The following SLC22A25 variants were observed in gnomAD, a reference collection of about 807,000 sequenced individuals.
SLC22A25 encodes solute carrier family 22 member 25.
SLC22A25 carries 44 observed loss-of-function variants against 45.9 expected under a neutral mutation model. That is an observed-to-expected ratio of 0.96 (90% CI 0.75 to 1.23). The LOEUF (loss-of-function observed/expected upper bound fraction) is 1.23, where lower values mean the gene tolerates loss of function less well. Ranked by LOEUF, SLC22A25 falls within the 50% of genes most tolerant of loss-of-function variation. The pLI, the probability that SLC22A25 is intolerant of heterozygous loss-of-function variation, is 0.00. For missense variants in SLC22A25, 800 were observed against 666.4 expected (o/e 1.20, Z -2.21); for synonymous variants, 283 against 238.6 (o/e 1.19, Z -1.72).
intron 1 of SLC22A25, among the ~76,000 whole-genome samples, chr11:63,242,663 C>T (rs1447652916): frequency 6.6e-6 from 1 of 152,138 alleles, no homozygotes; most frequent in Admixed American, 6.5e-5. Context: ...TTGGCAACAC[C>T]CTCACAGACA....
intron 9 of SLC22A25, among the ~76,000 whole-genome samples, chr11:63,179,064 C>A (rs1044751741): frequency 5.3e-5 from 8 of 151,942 alleles, no homozygotes; most frequent in Non-Finnish European, 8.8e-5. Flanking sequence ...TGGGTTGAAG[C>A]AATTCTGGTG....
intron 3 of SLC22A25, among the ~76,000 whole-genome samples, chr11:63,233,216 C>A (rs2090102153): frequency 6.6e-6 from 1 of 152,156 alleles, no homozygotes; most frequent in Non-Finnish European, 1.5e-5. Flanking sequence ...ATGGTACCAG[C>A]TCCTCCTTTT....
intron 7 of SLC22A25, among the ~76,000 whole-genome samples, chr11:63,200,626 C>T (rs372875965): frequency 4.1e-4 from 62 of 152,214 alleles, no homozygotes; most frequent in Admixed American, 1.3e-3. Flanking sequence ...CTCACCACTC[C>T]TATTCAACAT....
At chr11:63,231,249 T>C (rs1266957968) in intron 3 of SLC22A25, among the ~76,000 whole-genome samples, 1 of 152,234 alleles carries the variant, frequency 6.6e-6, no homozygotes, top group African/African-American at 2.4e-5. Context: ...ATGGTTGAAC[T>C]AGTTTACAGT....
intron 9 of SLC22A25, among the ~76,000 whole-genome samples, chr11:63,176,858 T>C (rs541503465): frequency 6.6e-6 from 1 of 152,198 alleles, no homozygotes; most frequent in African/African-American, 2.4e-5. Flanking sequence ...CCTTATACTT[T>C]AATATGCTCT....
chr11:63,230,831 T>C (rs1409921831), intron 3 of SLC22A25, among the ~76,000 whole-genome samples: 1 of 151,896 alleles, frequency 6.6e-6, no homozygotes, highest in Non-Finnish European at 1.5e-5. Flanking sequence ...CCCCGGTGCA[T>C]GATGTTCCCC....
At chr11:63,224,157 A>G (rs2089909383) in intron 5 of SLC22A25, among the ~76,000 whole-genome samples, 1 of 152,090 alleles carries the variant, frequency 6.6e-6, no homozygotes, top group South Asian at 2.1e-4. Context: ...GTATATATTT[A>G]TAATTTTTAT....
intron 8 of SLC22A25, among the ~76,000 whole-genome samples, chr11:63,181,392 CT>C (rs1453995653): frequency 1.7e-4 from 20 of 120,456 alleles, no homozygotes; most frequent in African/African-American, 6.0e-4. Context: ...TCCTTCCCCC[CT>C]CCCCCCACCC....
At chr11:63,190,122 T>A (rs185381873) in intron 7 of SLC22A25, among the ~76,000 whole-genome samples, 43 of 152,376 alleles carry the variant, frequency 2.8e-4, no homozygotes, top group African/African-American at 1.0e-3. Context: ...TTCTCCTGGA[T>A]AATATCCTGC....
At chr11:63,190,999 C>A (rs1005110922) in intron 7 of SLC22A25, among the ~76,000 whole-genome samples, 1 of 152,216 alleles carries the variant, frequency 6.6e-6, no homozygotes, top group Admixed American at 6.5e-5. Flanking sequence ...GGTTCAGGGA[C>A]CCACTTGAGG....
chr11:63,204,989 A>G, intron 7 of SLC22A25, among the ~76,000 whole-genome samples: 1 of 152,214 alleles, frequency 6.6e-6, no homozygotes, highest in South Asian at 2.1e-4. Flanking sequence ...ATCAAATTAG[A>G]ACTCAGGATT....
intron 3 of SLC22A25, among the ~76,000 whole-genome samples, chr11:63,237,546 A>T (rs1459608394): frequency 6.6e-6 from 1 of 152,170 alleles, no homozygotes; most frequent in South Asian, 2.1e-4. Flanking sequence ...CATAAACATG[A>T]ACCAAATAAA....
intron 7 of SLC22A25, among the ~76,000 whole-genome samples, chr11:63,195,601 A>G (rs2088993682): frequency 6.6e-6 from 1 of 152,226 alleles, no homozygotes; most frequent in Non-Finnish European, 1.5e-5. Flanking sequence ...ACACATTCAA[A>G]GCAGTGTGTA....
chr11:63,227,582 T>C (rs1423200695), intron 5 of SLC22A25, among the ~76,000 whole-genome samples: 3 of 152,152 alleles, frequency 2.0e-5, no homozygotes, highest in African/African-American at 4.8e-5. Context: ...AGGAGTCTAT[T>C]TTGGAGGTGC....
intron 3 of SLC22A25, among the ~76,000 whole-genome samples, chr11:63,235,051 C>G (rs1472109255): frequency 1.3e-5 from 2 of 152,190 alleles, no homozygotes; most frequent in Non-Finnish European, 2.9e-5. Flanking sequence ...TGACCTTTCT[C>G]TCTGGCTGCC....
chr11:63,202,790 C>T (rs1179039306), intron 7 of SLC22A25, among the ~76,000 whole-genome samples: 1 of 152,236 alleles, frequency 6.6e-6, no homozygotes, highest in South Asian at 2.1e-4. Flanking sequence ...TCTCCGAGCA[C>T]AGTGCTTGAG....
In SLC22A25 at chr11:63,163,703, A is replaced by C. The variant is rs2087578013; in HGVS notation, c.*121T>G. 1.5e-6 allele frequency: 2 copies of C among 1,330,692 alleles called. No homozygotes were observed. Among genetic ancestry groups the C allele is most frequent in the East Asian group, 4.7e-5 (2 of 42,626 alleles). 82.4% of individuals were successfully genotyped at this position (1,330,692 alleles called of 1,614,324 possible). On this transcript the variant is annotated 3_prime_UTR_variant, in exon 12 of 12. Coordinates refer to ENST00000306494, the MANE Select transcript of SLC22A25 (RefSeq NM_199352.6). ...TGAGGCTCAGGGGATGTATGAGGTC[A>C]CTGTGGAAGGGATGAGGATACACCA... is the stretch of plus-strand genomic sequence containing the variant.
intron 9 of SLC22A25, among the ~76,000 whole-genome samples, chr11:63,179,112 A>T (rs939299413): frequency 1.3e-5 from 2 of 151,898 alleles, no homozygotes; most frequent in Non-Finnish European, 2.9e-5. Flanking sequence ...CAGGGCCATG[A>T]TGCCCGGCTA....
intron 3 of SLC22A25, among the ~76,000 whole-genome samples, chr11:63,231,849 A>G (rs1353086119): frequency 1.3e-5 from 2 of 152,176 alleles, no homozygotes; most frequent in Admixed American, 1.3e-4. Flanking sequence ...CTTTCTACAT[A>G]TGGCTAGCCA....
Sources: allele counts gnomAD v4.1 joint callset (sites outside exome capture counted in the v4.1 genomes callset), GRCh38; gene constraint gnomAD v4.1.1; transcripts MANE v1.5; gene names NCBI Gene and HGNC (gene_info 2026-07-23, HGNC 2026-07-21).